C7orf78: variants seen among roughly 807,000 people sequenced by gnomAD.
The protein encoded by C7orf78 is chromosome 7 open reading frame 78.
chr7:12,528,976 G>A, the C7orf78 span: 2 of 398,404 alleles, frequency 5.0e-6, no homozygotes, highest in Non-Finnish European at 8.8e-6. Flanking sequence ...CAAGCATTGT[G>A]AATGCACCTG....
At chr7:12,524,006 A>G in the C7orf78 span, among the ~76,000 whole-genome samples, 1 of 152,216 alleles carries the variant, frequency 6.6e-6, no homozygotes, top group African/African-American at 2.4e-5. Flanking sequence ...TCTATAATTT[A>G]GAACATAAAT....
At chr7:12,521,644 C>CTTTTTTTTTTTTTTTTTGTTTTTGTTTTT in the C7orf78 span, among the ~76,000 whole-genome samples, 1 of 124,796 alleles carries the variant, frequency 8.0e-6, no homozygotes, top group Non-Finnish European at 1.7e-5. Context: ...TGGGTTTGGG[C>CTTTTTTTTTTTTTTTTTGTTTTTGTTTTT]TTTTTTTTTT....
chr7:12,527,861 G>T, the C7orf78 span, among the ~76,000 whole-genome samples: 1 of 148,086 alleles, frequency 6.8e-6, no homozygotes, highest in African/African-American at 2.5e-5. Context: ...ATGCCATCTA[G>T]CTGTGTAATT....
the C7orf78 span, among the ~76,000 whole-genome samples, chr7:12,497,478 GAA>G: frequency 6.6e-6 from 1 of 151,538 alleles, no homozygotes; most frequent in African/African-American, 2.4e-5. Context: ...GGCACCTGGA[GAA>G]TCGGGAAAAT....
chr7:12,485,850 A>C, the C7orf78 span, among the ~76,000 whole-genome samples: 5 of 151,730 alleles, frequency 3.3e-5, no homozygotes, highest in African/African-American at 1.2e-4. Context: ...GGGCCTCTAA[A>C]GTTGAATTTC....
At chr7:12,493,509 T>A in the C7orf78 span, among the ~76,000 whole-genome samples, 1 of 152,088 alleles carries the variant, frequency 6.6e-6, no homozygotes, top group African/African-American at 2.4e-5. Flanking sequence ...ACTCAGCAGG[T>A]TTGAGATAGG....
the C7orf78 span, among the ~76,000 whole-genome samples, chr7:12,497,283 C>G: frequency 2.0e-5 from 3 of 152,136 alleles, no homozygotes; most frequent in Non-Finnish European, 2.9e-5. Flanking sequence ...ACGCAGAAGA[C>G]GGGTGATTTC....
the C7orf78 span, among the ~76,000 whole-genome samples, chr7:12,497,559 C>A: frequency 6.6e-6 from 1 of 152,128 alleles, no homozygotes. Flanking sequence ...TGAGATTATA[C>A]CCTGCACCCG....
At chr7:12,532,326 A>G in the C7orf78 span, among the ~76,000 whole-genome samples, 18,950 of 152,092 alleles carry the variant, frequency 0.12, 1,191 homozygotes, top group East Asian at 0.2. Flanking sequence ...AAGGTGGGTG[A>G]ATCACGAGGT....
chr7:12,511,051 G>T, the C7orf78 span, among the ~76,000 whole-genome samples: 5 of 151,980 alleles, frequency 3.3e-5, no homozygotes, highest in African/African-American at 7.3e-5. Flanking sequence ...TCCATCTGGA[G>T]TTGATTTTTG....
the C7orf78 span, among the ~76,000 whole-genome samples, chr7:12,532,253 T>TA: frequency 1.3e-5 from 2 of 152,038 alleles, no homozygotes; most frequent in East Asian, 3.9e-4. Flanking sequence ...TGCTTTTCAT[T>TA]AAAAAGAAAA....
chr7:12,534,230 G>A, the C7orf78 span, among the ~76,000 whole-genome samples: 5 of 152,026 alleles, frequency 3.3e-5, no homozygotes, highest in East Asian at 9.7e-4. Context: ...CTCACATTCA[G>A]CCATGAAAAA....
chr7:12,494,453 G>T, the C7orf78 span, among the ~76,000 whole-genome samples: 2 of 152,050 alleles, frequency 1.3e-5, no homozygotes, highest in African/African-American at 4.8e-5. Flanking sequence ...AATTTAAGAG[G>T]CTCCTTAGAA....
At chr7:12,538,735 C>A in the C7orf78 span, among the ~76,000 whole-genome samples, 1 of 152,132 alleles carries the variant, frequency 6.6e-6, no homozygotes, top group African/African-American at 2.4e-5. Flanking sequence ...GTTTACAGAA[C>A]CCTCCATACG....
chr7:12,506,538 A>G, the C7orf78 span, among the ~76,000 whole-genome samples: 127 of 152,270 alleles, frequency 8.3e-4, no homozygotes, highest in African/African-American at 3.0e-3. Context: ...AACTATCACA[A>G]GGACAGAAAA....
At chr7:12,525,945 T>G in the C7orf78 span, 3 of 396,102 alleles carry the variant, frequency 7.6e-6, no homozygotes, top group South Asian at 2.6e-4. Context: ...AAAAAAACTC[T>G]GCATTCCATA....
the C7orf78 span, among the ~76,000 whole-genome samples, chr7:12,523,653 C>A: frequency 6.6e-6 from 1 of 152,106 alleles, no homozygotes; most frequent in African/African-American, 2.4e-5. Flanking sequence ...GAGGTTTTAT[C>A]TGCCAGGTCA....
chr7:12,487,828 A>G, the C7orf78 span, among the ~76,000 whole-genome samples: 6 of 152,072 alleles, frequency 3.9e-5, no homozygotes, highest in East Asian at 1.9e-4. Flanking sequence ...GAACAAGTCA[A>G]TGTACTTGTT....
chr7:12,513,232 C>G, the C7orf78 span, among the ~76,000 whole-genome samples: 1 of 146,976 alleles, frequency 6.8e-6, no homozygotes, highest in Non-Finnish European at 1.5e-5. Flanking sequence ...TTCTCTCTTT[C>G]TTTCCTTCTT....
Sources: allele counts gnomAD v4.1 joint callset (sites outside exome capture counted in the v4.1 genomes callset), GRCh38; gene constraint gnomAD v4.1.1; transcripts MANE v1.5; gene names NCBI Gene and HGNC (gene_info 2026-07-23, HGNC 2026-07-21).